Variants in DNAH9 observed in about 807,000 individuals in gnomAD.
DNAH9 encodes the protein DNAH9 variant protein.
A neutral mutation model predicts 471.6 loss-of-function variants in DNAH9; 345 were observed. The ratio of observed to expected loss-of-function variants is 0.73; its 90% CI spans 0.67 to 0.80. DNAH9 has a LOEUF of 0.80. Among genes scored for constraint, DNAH9 ranks in the 30% least tolerant of loss-of-function variants. The pLI, the probability that DNAH9 is intolerant of heterozygous loss-of-function variation, is 0.00. For synonymous variants in DNAH9, 2,093 were observed against 2,123.6 expected (o/e 0.99, Z 0.40); for missense variants, 5,407 against 5,609.2 (o/e 0.96, Z 1.15).
intron 49 of DNAH9, among the ~76,000 whole-genome samples, chr17:11,841,880 C>A (rs1302096251): frequency 6.6e-6 from 1 of 152,088 alleles, no homozygotes; most frequent in African/African-American, 2.4e-5. Context: ...ACATGGGCAT[C>A]TTTTCAAATT....
chr17:11,957,567 A>AG (rs1274388694), intron 67 of DNAH9, among the ~76,000 whole-genome samples: 2 of 146,850 alleles, frequency 1.4e-5, no homozygotes, highest in South Asian at 2.1e-4. Flanking sequence ...TCAGAATGGG[A>AG]GAAAAAAAAA....
At chr17:11,946,762 G>A (rs902833900) in intron 67 of DNAH9, among the ~76,000 whole-genome samples, 4 of 151,600 alleles carry the variant, frequency 2.6e-5, no homozygotes, top group Non-Finnish European at 5.9e-5. Context: ...AAAAATGCTT[G>A]CAAGCCGAAA....
intron 6 of DNAH9, among the ~76,000 whole-genome samples, chr17:11,622,954 T>C (rs1292667076): frequency 7.0e-6 from 1 of 143,056 alleles, no homozygotes; most frequent in Non-Finnish European, 1.5e-5. Flanking sequence ...CTCCTTTTCT[T>C]TTCTTTTCTT....
At chr17:11,856,920 C>T (rs932297686) in intron 50 of DNAH9, among the ~76,000 whole-genome samples, 4 of 151,984 alleles carry the variant, frequency 2.6e-5, no homozygotes, top group Non-Finnish European at 5.9e-5. Context: ...TGCTATGTTG[C>T]CCAGGCTGGT....
intron 19 of DNAH9, among the ~76,000 whole-genome samples, chr17:11,686,725 C>A (rs1213767459): frequency 5.3e-5 from 8 of 152,152 alleles, no homozygotes; most frequent in African/African-American, 1.9e-4. Flanking sequence ...ACTTGAGGAA[C>A]CAACATCGAT....
intron 32 of DNAH9, 77 bp from the exon 33 acceptor site, chr17:11,752,755 CT>C: frequency 7.8e-7 from 1 of 1,276,444 alleles, no homozygotes; most frequent in Non-Finnish European, 1.1e-6. Flanking sequence ...TGTGTTGTAG[CT>C]AAAGGGGGAA....
intron 27 of DNAH9, among the ~76,000 whole-genome samples, chr17:11,727,373 C>T (rs1325812256): frequency 6.6e-6 from 1 of 152,030 alleles, no homozygotes; most frequent in Non-Finnish European, 1.5e-5. Context: ...GTTATCACCC[C>T]CTGTCTTTGT....
intron 22 of DNAH9, among the ~76,000 whole-genome samples, chr17:11,696,422 T>C (rs1007066897): frequency 1.3e-5 from 2 of 152,208 alleles, no homozygotes; most frequent in Non-Finnish European, 2.9e-5. Flanking sequence ...TTGAATAACC[T>C]TGGACTTTGT....
At chr17:11,831,305 T>C (rs1970677822) in intron 48 of DNAH9, among the ~76,000 whole-genome samples, 1 of 152,098 alleles carries the variant, frequency 6.6e-6, no homozygotes, top group Non-Finnish European at 1.5e-5. Flanking sequence ...GTGGAGCTGA[T>C]GTGTGCAGAT....
intron 32 of DNAH9, among the ~76,000 whole-genome samples, chr17:11,751,260 G>A (rs1325729994): frequency 6.6e-6 from 1 of 151,842 alleles, no homozygotes; most frequent in African/African-American, 2.4e-5. Context: ...AGATAACTCT[G>A]AAATTATCTT....
chr17:11,792,042 G>A (rs1969083474), intron 41 of DNAH9, among the ~76,000 whole-genome samples: 1 of 152,094 alleles, frequency 6.6e-6, no homozygotes, highest in African/African-American at 2.4e-5. Context: ...AGCACTCTGG[G>A]GGGCCGAGGT....
Position 11,835,247 on chromosome 17 carries a change from C to T in DNAH9, c.9507+349C>T, listed in dbSNP as rs545311505. 1.3e-4 allele frequency among the ~76,000 whole-genome samples: 20 copies of T among 152,252 alleles called. 1 individual carries two copies. The South Asian group carries it at 4.2e-3, about 32-fold the overall frequency. ...TTAGAGCAGAGACTTGAATTTACAT[C>T]TTCAAAATCTAATCCCAGGGATCTT... On this transcript the variant is annotated intron_variant, in intron 49 of 68. Coordinates refer to ENST00000262442, the MANE Select transcript of DNAH9 (RefSeq NM_001372.4).
At chr17:11,739,507 T>TC (rs772562490) in intron 29 of DNAH9, among the ~76,000 whole-genome samples, 128 of 152,336 alleles carry the variant, frequency 8.4e-4, no homozygotes, top group Non-Finnish European at 1.2e-3. Context: ...ATCTTTTTTT[T>TC]CCGTATGTAT....
intron 53 of DNAH9, among the ~76,000 whole-genome samples, chr17:11,879,750 A>T (rs2150993998): frequency 6.6e-6 from 1 of 152,358 alleles, no homozygotes; most frequent in Admixed American, 6.5e-5. Flanking sequence ...TTATAAAACA[A>T]AACACCATAT....
In DNAH9 at chr17:11,679,537, A is replaced by G. The variant is rs9902527; in HGVS notation, c.3354-220A>G. Reference sequence around the variant, plus strand: ...TGTCTCCTCCTGAGTCTCCTTCATCACAAGATAGGCCTCAGTCTTTGCCAT... The same window carrying G: ...TGTCTCCTCCTGAGTCTCCTTCATCGCAAGATAGGCCTCAGTCTTTGCCAT... On this transcript the variant is annotated intron_variant, in intron 17 of 68. Coordinates refer to ENST00000262442, the MANE Select transcript of DNAH9 (RefSeq NM_001372.4). Among the ~76,000 whole-genome samples, 143,625 of 152,264 alleles carry G rather than the reference A, an allele frequency of 0.94. 68,022 individuals are homozygous for G. Among genetic ancestry groups the G allele is most frequent in the Middle Eastern group, 0.99 (291 of 294 alleles).
intron 33 of DNAH9, among the ~76,000 whole-genome samples, chr17:11,753,166 A>C (rs529278885): frequency 3.9e-5 from 6 of 152,358 alleles, no homozygotes; most frequent in African/African-American, 1.4e-4. Context: ...GCCATGGCTC[A>C]CACCAGTTTT....
At chr17:11,751,655 T>C (rs916107154) in intron 32 of DNAH9, among the ~76,000 whole-genome samples, 5 of 152,010 alleles carry the variant, frequency 3.3e-5, no homozygotes, top group South Asian at 2.1e-4. Context: ...ATACAGTAAA[T>C]TTCCATGAAA....
At chr17:11,964,005 C>G (rs1334878503) in intron 68 of DNAH9, among the ~76,000 whole-genome samples, 1 of 152,160 alleles carries the variant, frequency 6.6e-6, no homozygotes, top group African/African-American at 2.4e-5. Flanking sequence ...TCCAGGAGGA[C>G]CAACTCTGCC....
At chr17:11,940,347 T>C (rs2151044576) in intron 66 of DNAH9, among the ~76,000 whole-genome samples, 1 of 152,342 alleles carries the variant, frequency 6.6e-6, no homozygotes, top group South Asian at 2.1e-4. Context: ...GAACTCTGTG[T>C]CCCCACGTCC....
Sources: gnomAD v4.1 joint callset for allele counts (sites outside exome capture counted in the v4.1 genomes callset) on GRCh38, gnomAD v4.1.1 for gene constraint, MANE v1.5 for transcripts, NCBI Gene and HGNC (gene_info 2026-07-23, HGNC 2026-07-21) for gene names.